MARCHF1: variants seen among roughly 807,000 people sequenced by gnomAD.
The protein encoded by MARCHF1 is membrane associated ring-CH-type finger 1.
MARCHF1 carries 40 observed loss-of-function variants against 54.2 expected under a neutral mutation model. The observed-to-expected ratio is 0.74, with a 90% CI of 0.57 to 0.96. The LOEUF (loss-of-function observed/expected upper bound fraction) is 0.96, where lower values mean the gene tolerates loss of function less well. MARCHF1 is among the 40% of genes least tolerant of loss of function. The pLI, the probability that MARCHF1 is intolerant of heterozygous loss-of-function variation, is 0.00. For missense variants in MARCHF1, 586 were observed against 656.5 expected (o/e 0.89, Z 1.17); for synonymous variants, 236 against 236.3 (o/e 1.00, Z 0.01).
Position 163,793,348 on chromosome 4 carries a change from C to T in MARCHF1, c.111+60673G>A, listed in dbSNP as rs1054387087. Among the ~76,000 whole-genome samples, 3 of 152,110 alleles carry T rather than the reference C, an allele frequency of 2.0e-5. No individual in the cohort carries two copies. The South Asian group carries it at 6.2e-4, about 31-fold the overall frequency. On this transcript the variant is annotated intron_variant, in intron 4 of 9. Coordinates refer to ENST00000514618, the MANE Select transcript of MARCHF1 (RefSeq NM_001394959.1). ...TTTTTATAAAATCACTTCTTGGGAA[C>T]TGGATCTAGCCCAAGGCCTGTAATT... is the stretch of plus-strand genomic sequence containing the variant.
chr4:163,623,018 G>A (rs753887618), intron 5 of MARCHF1, among the ~76,000 whole-genome samples: 4 of 152,172 alleles, frequency 2.6e-5, no homozygotes, highest in African/African-American at 4.8e-5. Context: ...CATACAGTTG[G>A]AAAGAGAGTT....
intron 5 of MARCHF1, among the ~76,000 whole-genome samples, chr4:163,649,739 G>A (rs1742898724): frequency 1.3e-5 from 2 of 151,696 alleles, no homozygotes; most frequent in African/African-American, 4.8e-5. Context: ...ATACCCTGTG[G>A]AGTCTCTCCT....
chr4:164,027,851 T>C (rs923920589), intron 2 of MARCHF1, among the ~76,000 whole-genome samples: 1 of 151,752 alleles, frequency 6.6e-6, no homozygotes, highest in South Asian at 2.1e-4. Flanking sequence ...CTGACAAAGG[T>C]GAAATATCCA....
intron 4 of MARCHF1, among the ~76,000 whole-genome samples, chr4:163,851,954 T>A (rs1749653133): frequency 6.6e-6 from 1 of 152,196 alleles, no homozygotes; most frequent in Non-Finnish European, 1.5e-5. Context: ...GGAAGAAATC[T>A]CTTATTTTAT....
chr4:164,101,828 A>C (rs1342560212), intron 2 of MARCHF1, among the ~76,000 whole-genome samples: 1 of 151,812 alleles, frequency 6.6e-6, no homozygotes, highest in African/African-American at 2.4e-5. Context: ...CTACGGGAGG[A>C]CATTCAAACC....
chr4:163,878,901 A>G (rs1750353251), intron 3 of MARCHF1, among the ~76,000 whole-genome samples: 2 of 152,180 alleles, frequency 1.3e-5, no homozygotes, highest in African/African-American at 4.8e-5. Context: ...AATGTTCAGG[A>G]CTAGGCCTGG....
intron 3 of MARCHF1, among the ~76,000 whole-genome samples, chr4:163,885,452 T>C (rs1188335430): frequency 2.0e-5 from 3 of 152,168 alleles, no homozygotes; most frequent in Non-Finnish European, 1.5e-5. Context: ...AATAACAAGA[T>C]CTTTATTAGG....
At chr4:163,878,779 G>C (rs1441151095) in intron 3 of MARCHF1, among the ~76,000 whole-genome samples, 1 of 152,122 alleles carries the variant, frequency 6.6e-6, no homozygotes. Context: ...ATCATCCAAA[G>C]TCAGTTTTTT....
rs547778791 is a variant in MARCHF1, at chr4:163,554,523, C to T, written c.1192-8780G>A. On this transcript the variant is annotated intron_variant, in intron 8 of 9. Transcript: ENST00000514618. ...GCTAGAAGCCACATGGTCAGAGAGG[C>T]TTGGAGCGAAGCAACTAAGAACTCA... is the stretch of plus-strand genomic sequence containing the variant. Among the ~76,000 whole-genome samples the T allele has an allele frequency of 4.6e-5, 7 of 152,280 alleles. No individual in the cohort carries two copies. In the South Asian group the frequency reaches 8.3e-4, roughly 18 times the overall value.
chr4:164,285,495 T>G (rs987815050), intron 1 of MARCHF1, among the ~76,000 whole-genome samples: 1 of 151,968 alleles, frequency 6.6e-6, no homozygotes, highest in Non-Finnish European at 1.5e-5. Flanking sequence ...CAGGCTGGAG[T>G]GCAGTGGCGC....
chr4:163,791,415 C>T (rs1457725448), intron 4 of MARCHF1, among the ~76,000 whole-genome samples: 1 of 152,086 alleles, frequency 6.6e-6, no homozygotes, highest in Non-Finnish European at 1.5e-5. Context: ...ATGTATGAGA[C>T]TCATAACATT....
chr4:163,744,009 G>A (rs1746285717), intron 4 of MARCHF1, among the ~76,000 whole-genome samples: 1 of 152,140 alleles, frequency 6.6e-6, no homozygotes, highest in Non-Finnish European at 1.5e-5. Context: ...GAAGTGAGAA[G>A]TACTTCAAAT....
intron 1 of MARCHF1, among the ~76,000 whole-genome samples, chr4:164,361,337 A>G (rs1578899599): frequency 6.6e-6 from 1 of 152,078 alleles, no homozygotes. Context: ...ATTAAATTAG[A>G]CCCTTCAGCA....
intron 2 of MARCHF1, among the ~76,000 whole-genome samples, chr4:164,081,950 CTG>C (rs138386201): frequency 0.028 from 4,214 of 152,274 alleles, 175 homozygotes; most frequent in African/African-American, 0.096. Context: ...TCTAAGGACA[CTG>C]TGCTAATAAA....
intron 7 of MARCHF1, among the ~76,000 whole-genome samples, chr4:163,603,259 G>C (rs1463355727): frequency 6.6e-6 from 1 of 151,958 alleles, no homozygotes; most frequent in East Asian, 1.9e-4. Context: ...ATTTTTCTTA[G>C]TTATTAAATT....
At chr4:163,992,774 A>ATATAAAATTATATTTTATATTTATATT (rs1752992659) in intron 2 of MARCHF1, among the ~76,000 whole-genome samples, 1 of 148,472 alleles carries the variant, frequency 6.7e-6, no homozygotes, top group Non-Finnish European at 1.5e-5. Context: ...TACTTATAAA[A>ATATAAAATTATATTTTATATTTATATT]TATAAAATTA....
At chr4:163,847,549 C>CTTTTTTTTTTT (rs747963284) in intron 4 of MARCHF1, among the ~76,000 whole-genome samples, 1 of 63,630 alleles carries the variant, frequency 1.6e-5, no homozygotes, top group African/African-American at 6.9e-5. Context: ...TTACAGTTTG[C>CTTTTTTTTTTT]TTTTTTTTTT....
At chr4:163,615,349 C>A (rs1741476265) in intron 5 of MARCHF1, among the ~76,000 whole-genome samples, 1 of 152,080 alleles carries the variant, frequency 6.6e-6, no homozygotes, top group Non-Finnish European at 1.5e-5. Context: ...CACCAAAAAA[C>A]TCCTGGAACT....
chr4:164,357,148 G>T (rs953106221), intron 1 of MARCHF1, among the ~76,000 whole-genome samples: 2 of 151,682 alleles, frequency 1.3e-5, no homozygotes, highest in South Asian at 2.1e-4. Context: ...AAATTTAGTG[G>T]TTTAAAACAA....
Sources: gnomAD v4.1 joint callset for allele counts (sites outside exome capture counted in the v4.1 genomes callset) on GRCh38, gnomAD v4.1.1 for gene constraint, MANE v1.5 for transcripts, NCBI Gene and HGNC (gene_info 2026-07-23, HGNC 2026-07-21) for gene names.